PRKD3: variants seen among roughly 807,000 people sequenced by gnomAD.
PRKD3 encodes the protein serine/threonine-protein kinase D3.
Under a neutral mutation model 99.2 loss-of-function variants are expected in PRKD3, and 47 were observed. That is an observed-to-expected ratio of 0.47 (90% CI 0.38 to 0.60). The LOEUF (loss-of-function observed/expected upper bound fraction) is 0.60. PRKD3 is among the 20% of genes least tolerant of loss of function. PRKD3 has a pLI of 0.00. For synonymous variants in PRKD3, 392 were observed against 355.4 expected, an observed-to-expected ratio of 1.10 and a Z score of -1.16; for missense variants, 1,019 against 1,088.4, an observed-to-expected ratio of 0.94 and a Z score of 0.90.
chr2:37,255,544 C>T (rs1292224004), intron 17 of PRKD3, among the ~76,000 whole-genome samples: 1 of 152,160 alleles, frequency 6.6e-6, no homozygotes, highest in African/African-American at 2.4e-5. Context: ...GAGATGTATG[C>T]AGCTTCCCAG....
intron 6 of PRKD3, among the ~76,000 whole-genome samples, chr2:37,282,829 C>T (rs1332635642): frequency 6.6e-6 from 1 of 152,150 alleles, no homozygotes; most frequent in Non-Finnish European, 1.5e-5. Flanking sequence ...GTGTACAACA[C>T]CGCCGAAATG....
chr2:37,253,212 C>G lies in PRKD3; in HGVS notation c.2638G>C (p.Ala880Pro), dbSNP rs772601204. 6.2e-7 allele frequency: 1 copy of G among 1,610,754 alleles called. No homozygotes were observed. Among genetic ancestry groups the G allele is most frequent in the Non-Finnish European group, 8.5e-7 (1 of 1,178,240 alleles). ...NLVYPKHFIM[A>P]PNPDDMEEDP is the part of the protein sequence containing the mutation. ...TCTTCCATATCATCTGGATTAGGAG[C>G]CATAATGAAGTGCTTTGGGTATACA... Residue 880 changes from alanine to proline, a missense_variant, in exon 19 of 19, where the codon GCT (alanine) becomes CCT (proline). Around this residue, in one of 3 missense-constraint regions of PRKD3, gnomAD observed 125 missense variants for 120.6 expected, o/e 1.04. Transcript: ENST00000234179.
Position 37,284,183 on chromosome 2 carries a change from C to T in PRKD3, c.911-1564G>A, listed in dbSNP as rs568711988. ...TATCTTAACAAAATCATTTTTCTTT[C>T]GTAGACTGACAAATGAAAATATTTT... On this transcript the variant is annotated intron_variant, in intron 6 of 18. Coordinates refer to ENST00000234179, the MANE Select transcript of PRKD3 (RefSeq NM_005813.6). 2.0e-3 allele frequency among the ~76,000 whole-genome samples: 300 copies of T among 152,090 alleles called. 2 individuals are homozygous for T. The highest frequency in any genetic ancestry group is 0.01 in the Middle Eastern group (3 of 294).
intron 2 of PRKD3, 42 bp downstream of exon 2, chr2:37,316,195 A>C: frequency 6.6e-7 from 1 of 1,519,790 alleles, no homozygotes; most frequent in Non-Finnish European, 9.0e-7. Context: ...GAAAAACATC[A>C]GTAACAATAT....
chr2:37,294,030 T>C (rs762289698), intron 2 of PRKD3, among the ~76,000 whole-genome samples: 38 of 152,244 alleles, frequency 2.5e-4, no homozygotes, highest in Non-Finnish European at 4.7e-4. Flanking sequence ...AACACTAACC[T>C]AGTTTCATCT....
In PRKD3 at chr2:37,254,192, AT is replaced by A. The variant is rs572652569; in HGVS notation, c.2499+11del. 5.3e-4 allele frequency: 818 copies of A among 1,540,132 alleles called. No homozygotes were observed. Among genetic ancestry groups the A allele is most frequent in the Non-Finnish European group, 6.4e-4 (720 of 1,120,032 alleles). On this transcript the variant is annotated intron_variant, in intron 18 of 18. Coordinates refer to ENST00000234179, the MANE Select transcript of PRKD3 (RefSeq NM_005813.6). The stretch of plus-strand genomic sequence containing the variant: ...ATGAGGATTGCCAAAGAGAGATTAC[AT>A]TTTTTTTTACCTGTAGCCAGGGATG...
intron 2 of PRKD3, among the ~76,000 whole-genome samples, chr2:37,304,112 T>C (rs1436196380): frequency 6.7e-6 from 1 of 150,254 alleles, no homozygotes. Context: ...TCGATCATAG[T>C]AAACAAGCTC....
rs138690790 is a variant in PRKD3 at position 37,253,279 on chromosome 2, A to G, written c.2571T>C (p.Ser857=). ...CATGTATTTCCCAGCGAGCATCATC[A>G]CTTTCATGTGTAATGTAACGTTCTC... The part of the protein sequence containing the change: ...RIGERYITHE[S]DDARWEIHAY... Residue 857 remains serine, a synonymous_variant, in exon 19 of 19, where the codon AGT becomes AGC. Transcript: ENST00000234179. 811 of 1,613,130 alleles carry G rather than the reference A, an allele frequency of 5.0e-4. 2 individuals carry two copies. The Middle Eastern group carries it at 7.8e-3, about 15-fold the overall frequency.
chr2:37,316,149 G>T (rs1175137929), intron 2 of PRKD3, 88 bp downstream of exon 2: 4 of 1,306,228 alleles, frequency 3.1e-6, no homozygotes, highest in Non-Finnish European at 4.3e-6. Context: ...TGATGGATCA[G>T]TATGTCTTAA....
chr2:37,298,422 T>TTAA (rs1553376025), intron 2 of PRKD3, among the ~76,000 whole-genome samples: 2 of 151,416 alleles, frequency 1.3e-5, no homozygotes, highest in African/African-American at 4.9e-5. Flanking sequence ...TTTTTTTTTT[T>TTAA]AAAAACAGAT....
At chr2:37,299,052 G>A (rs1234047301) in intron 2 of PRKD3, among the ~76,000 whole-genome samples, 1 of 152,136 alleles carries the variant, frequency 6.6e-6, no homozygotes, top group Non-Finnish European at 1.5e-5. Flanking sequence ...TATACCAGCT[G>A]CATGTCTGTC....
At chr2:37,313,190 C>A (rs986863188) in intron 2 of PRKD3, among the ~76,000 whole-genome samples, 1 of 152,100 alleles carries the variant, frequency 6.6e-6, no homozygotes, top group Admixed American at 6.5e-5. Context: ...AGCTACTCAA[C>A]TCTGCTGCTG....
At chr2:37,323,835 AT>A (rs1259834715) in intron 1 of PRKD3, among the ~76,000 whole-genome samples, 10 of 152,194 alleles carry the variant, frequency 6.6e-5, no homozygotes, top group African/African-American at 2.4e-4. Flanking sequence ...GATGACACCG[AT>A]AGTCTTATTT....
chr2:37,309,815 T>C (rs1478985106), intron 2 of PRKD3, among the ~76,000 whole-genome samples: 1 of 137,748 alleles, frequency 7.3e-6, no homozygotes, highest in Non-Finnish European at 1.5e-5. Flanking sequence ...GCCACTGCAT[T>C]CCAGCCTGGC....
In PRKD3 at chr2:37,257,401, C is replaced by T. The variant is rs1276375494; in HGVS notation, c.2146-472G>A. 2.0e-5 allele frequency among the ~76,000 whole-genome samples: 3 copies of T among 152,156 alleles called. No homozygotes were observed. The East Asian group carries it at 5.8e-4, about 29-fold the overall frequency. On this transcript the variant is annotated intron_variant, in intron 16 of 18. Transcript: ENST00000234179. ...ACAGTATTAGCCAGGTGTGGTGGCT[C>T]ACACCTGTAATCCCAGCACTTTGGG...
At chr2:37,260,052 A>G (rs950551349) in intron 15 of PRKD3, among the ~76,000 whole-genome samples, 171 bp downstream of exon 15, 2 of 151,888 alleles carry the variant, frequency 1.3e-5, no homozygotes, top group African/African-American at 4.8e-5. Context: ...GCAATCCTAG[A>G]TACTTGGGAG....
At chr2:37,294,789 C>G (rs1572680095) in intron 2 of PRKD3, among the ~76,000 whole-genome samples, 1 of 152,216 alleles carries the variant, frequency 6.6e-6, no homozygotes, top group East Asian at 1.9e-4. Context: ...CATTAAAACT[C>G]TAAGGCCAGA....
At chr2:37,256,627 A>ATTT (rs1385820838) in intron 17 of PRKD3, 35 bp downstream of exon 17, 4 of 1,247,280 alleles carry the variant, frequency 3.2e-6, no homozygotes, top group Admixed American at 3.3e-5. Flanking sequence ...ACATAGCCAA[A>ATTT]ATTTTTTTTT....
At chr2:37,315,758 C>T (rs897762987) in intron 2 of PRKD3, among the ~76,000 whole-genome samples, 3 of 152,172 alleles carry the variant, frequency 2.0e-5, no homozygotes, top group East Asian at 1.9e-4. Context: ...ACTCTGTTGC[C>T]GTGCCAGGCT....
Sources: gnomAD v4.1 joint callset for allele counts (sites outside exome capture counted in the v4.1 genomes callset) on GRCh38, gnomAD v4.1.1 for gene constraint, gnomAD v4.1.1 regional missense constraint, MANE v1.5 for transcripts, NCBI Gene and HGNC (gene_info 2026-07-23, HGNC 2026-07-21) for gene names.